PPP3CC: variants seen among roughly 807,000 people sequenced by gnomAD.
PPP3CC encodes the protein serine/threonine-protein phosphatase 2B catalytic subunit gamma isoform.
Under a neutral mutation model 60.3 loss-of-function variants are expected in PPP3CC, and 35 were observed. That is an observed-to-expected ratio of 0.58 (90% CI 0.44 to 0.77). The LOEUF is 0.77. Among genes scored for constraint, PPP3CC ranks in the 30% least tolerant of loss-of-function variants. PPP3CC has a pLI of 0.00. For synonymous variants in PPP3CC, 206 were observed against 224.3 expected, an observed-to-expected ratio of 0.92 and a Z score of 0.73; for missense variants, 570 against 628.9, an observed-to-expected ratio of 0.91 and a Z score of 1.00.
rs932845859 is a variant in PPP3CC, at chr8:22,531,692, T to C, written c.1142-533T>C. On this transcript the variant is annotated intron_variant, in intron 10 of 13. Coordinates refer to ENST00000240139, the MANE Select transcript of PPP3CC (RefSeq NM_005605.5). ...AAATAGTGCACAGTTGTAAGTAGTA[T>C]CGTGAGGCAATAACTCACTAATATA... Among the ~76,000 whole-genome samples, 4 of 152,364 alleles carry C rather than the reference T, an allele frequency of 2.6e-5. No individual in the cohort carries two copies. The East Asian group carries it at 7.7e-4, about 29-fold the overall frequency.
intron 5 of PPP3CC, among the ~76,000 whole-genome samples, chr8:22,511,591 C>T (rs1040862587): frequency 1.3e-5 from 2 of 152,052 alleles, no homozygotes; most frequent in African/African-American, 4.8e-5. Flanking sequence ...TTTCTTATTG[C>T]AGTCAACCAA....
intron 6 of PPP3CC, among the ~76,000 whole-genome samples, chr8:22,518,600 T>C (rs1839316750): frequency 6.6e-6 from 1 of 152,244 alleles, no homozygotes; most frequent in African/African-American, 2.4e-5. Flanking sequence ...ATTGGGTTCA[T>C]AGTGTTGTTC....
intron 3 of PPP3CC, among the ~76,000 whole-genome samples, chr8:22,478,685 A>T (rs1224600222): frequency 6.6e-6 from 1 of 152,174 alleles, no homozygotes; most frequent in Non-Finnish European, 1.5e-5. Context: ...AGGCTGTGAG[A>T]ATAAAATAAA....
intron 4 of PPP3CC, among the ~76,000 whole-genome samples, chr8:22,508,696 TC>T (rs1233018185): frequency 6.6e-6 from 1 of 152,216 alleles, no homozygotes; most frequent in Non-Finnish European, 1.5e-5. Flanking sequence ...AGTGTGGAAC[TC>T]CCATGGAGGA....
rs115462982 is a variant in PPP3CC, at chr8:22,484,675, A to G, written c.372+9051A>G. ...TCTGTTCAGTATTTTATTGGTCTCA[A>G]TTCTTTATCCTTGAAGATAAAAGTG... On this transcript the variant is annotated intron_variant, in intron 3 of 13. Transcript: ENST00000240139. 3.4e-3 allele frequency among the ~76,000 whole-genome samples: 523 copies of G among 152,340 alleles called. 4 individuals are homozygous for G. Among genetic ancestry groups the G allele is most frequent in the African/African-American group, 0.012 (497 of 41,586 alleles).
At chr8:22,533,894 A>G (rs1037896766) in intron 12 of PPP3CC, among the ~76,000 whole-genome samples, 15 of 149,714 alleles carry the variant, frequency 1.0e-4, no homozygotes, top group Non-Finnish European at 1.8e-4. Flanking sequence ...CATCTAGGAA[A>G]TAGATATTAA....
At chr8:22,445,766 G>C (rs376649882) in intron 1 of PPP3CC, among the ~76,000 whole-genome samples, 1 of 152,076 alleles carries the variant, frequency 6.6e-6, no homozygotes, top group African/African-American at 2.4e-5. Context: ...ATGTGAATAC[G>C]TTTTAAAGTT....
chr8:22,536,532 G>C (rs1839848205), intron 12 of PPP3CC, among the ~76,000 whole-genome samples: 1 of 152,322 alleles, frequency 6.6e-6, no homozygotes, highest in Non-Finnish European at 1.5e-5. Context: ...GTCACCTTTT[G>C]GGCTCAGCCC....
chr8:22,517,729 A>T (rs529296475), intron 6 of PPP3CC, among the ~76,000 whole-genome samples: 3 of 150,980 alleles, frequency 2.0e-5, no homozygotes, highest in African/African-American at 4.9e-5. Context: ...TTTTTGTTTT[A>T]TTTATTTGAG....
At chr8:22,529,363 T>C (rs1839642016) in intron 10 of PPP3CC, among the ~76,000 whole-genome samples, 1 of 152,246 alleles carries the variant, frequency 6.6e-6, no homozygotes. Flanking sequence ...ATACTTGTTA[T>C]AGTCTGGTGT....
At position 22,492,717 on chromosome 8, in the gene PPP3CC, A is replaced by G. The variant is rs930855531; in HGVS notation, c.373-5284A>G. 5 of 976,830 alleles carry G rather than the reference A, an allele frequency of 5.1e-6. No individual in the cohort carries two copies. In the Admixed American group the frequency reaches 7.1e-5, roughly 14 times the overall value. 60.5% of individuals were successfully genotyped at this position (976,830 alleles called of 1,614,324 possible). A position where few individuals can be genotyped will look rare whatever the true frequency, so the allele number is the denominator to read the frequency against. ...GTTCACAGAAAGAAGAAGGCGGTTC[A>G]TAGAACAGCCACAGCAGATGATAAA... is the stretch of plus-strand genomic sequence containing the variant. On this transcript the variant is annotated intron_variant, in intron 3 of 13. Coordinates refer to ENST00000240139, the MANE Select transcript of PPP3CC (RefSeq NM_005605.5).
At chr8:22,483,524 G>A (rs762690583) in intron 3 of PPP3CC, among the ~76,000 whole-genome samples, 17 of 152,304 alleles carry the variant, frequency 1.1e-4, no homozygotes, top group Middle Eastern at 3.4e-3. Flanking sequence ...CTGACCTTGT[G>A]ATCTGCCTGC....
chr8:22,466,303 A>G (rs1837521226), intron 1 of PPP3CC, among the ~76,000 whole-genome samples: 1 of 152,198 alleles, frequency 6.6e-6, no homozygotes, highest in African/African-American at 2.4e-5. Context: ...ACATACGTGC[A>G]CATGTGTCTT....
intron 1 of PPP3CC, among the ~76,000 whole-genome samples, chr8:22,453,563 G>A (rs991724756): frequency 6.6e-6 from 1 of 152,136 alleles, no homozygotes; most frequent in South Asian, 2.1e-4. Flanking sequence ...TTGCAGGATG[G>A]GGTTTTGCAG....
Position 22,483,153 on chromosome 8 carries a change from G to C in PPP3CC, c.372+7529G>C, listed in dbSNP as rs185438394. Among the ~76,000 whole-genome samples, 1,135 of 152,294 alleles carry C rather than the reference G, an allele frequency of 7.5e-3. 43 individuals carry two copies. The highest frequency in any genetic ancestry group is 0.068 in the Admixed American group (1,043 of 15,300). On this transcript the variant is annotated intron_variant, in intron 3 of 13. Transcript: ENST00000240139. ...CCTCTTGCAGTTTTACTAAGAGAAT[G>C]TCAATACTTTAAGAAAAGCCCTGTT... is the stretch of plus-strand genomic sequence containing the variant.
intron 6 of PPP3CC, among the ~76,000 whole-genome samples, chr8:22,521,539 G>A (rs963281792): frequency 1.2e-4 from 19 of 152,134 alleles, no homozygotes; most frequent in African/African-American, 4.6e-4. Context: ...CAATCCTAAG[G>A]TTCTTACAAT....
At chr8:22,524,939 A>G (rs934411442) in intron 8 of PPP3CC, among the ~76,000 whole-genome samples, 1 of 152,170 alleles carries the variant, frequency 6.6e-6, no homozygotes, top group African/African-American at 2.4e-5. Context: ...CTTGAGGCCT[A>G]GAATTCAAGA....
At chr8:22,506,928 A>AAATT (rs376223389) in intron 4 of PPP3CC, among the ~76,000 whole-genome samples, 18 of 150,944 alleles carry the variant, frequency 1.2e-4, no homozygotes, top group Middle Eastern at 3.4e-3. Context: ...TCAAATAAAT[A>AAATT]AATTAATTAA....
chr8:22,473,144 G>C (rs1586809147), intron 1 of PPP3CC, among the ~76,000 whole-genome samples: 1 of 152,158 alleles, frequency 6.6e-6, no homozygotes, highest in Non-Finnish European at 1.5e-5. Flanking sequence ...GGTATGGCTA[G>C]ATTAAGTCTT....
Sources: gnomAD v4.1 joint callset for allele counts (sites outside exome capture counted in the v4.1 genomes callset) on GRCh38, gnomAD v4.1.1 for gene constraint, MANE v1.5 for transcripts, NCBI Gene and HGNC (gene_info 2026-07-23, HGNC 2026-07-21) for gene names.